The following GALNT13 variants were observed in gnomAD, a reference collection of about 807,000 sequenced individuals.
GALNT13 encodes the protein polypeptide N-acetylgalactosaminyltransferase 13.
A neutral mutation model predicts 64.2 loss-of-function variants in GALNT13; 28 were observed. That is an observed-to-expected ratio of 0.44 (90% CI 0.32 to 0.60). GALNT13 has a LOEUF of 0.60. Among genes scored for constraint, GALNT13 ranks in the 20% least tolerant of loss-of-function variants. GALNT13 has a pLI of 0.05. For missense variants in GALNT13, 577 were observed against 669.8 expected (o/e 0.86, Z 1.53); for synonymous variants, 214 against 224.6 (o/e 0.95, Z 0.42).
the GALNT13 span, among the ~76,000 whole-genome samples, chr2:153,082,268 T>C: frequency 1.3e-5 from 2 of 152,014 alleles, no homozygotes; most frequent in Non-Finnish European, 2.9e-5. Context: ...CCGAGCAGTG[T>C]ACACTGTACT....
At chr2:153,096,214 C>G in the GALNT13 span, among the ~76,000 whole-genome samples, 1 of 151,732 alleles carries the variant, frequency 6.6e-6, no homozygotes, top group Non-Finnish European at 1.5e-5. Context: ...CCACTGTGGT[C>G]AGAGAAGATA....
intron 3 of GALNT13, among the ~76,000 whole-genome samples, chr2:154,051,076 GTGGT>G: frequency 6.8e-6 from 1 of 146,086 alleles, no homozygotes; most frequent in Non-Finnish European, 1.6e-5. Context: ...ATAAGAGCCA[GTGGT>G]AGTTGTAACT....
the GALNT13 span, among the ~76,000 whole-genome samples, chr2:153,258,220 A>G: frequency 1.3e-5 from 2 of 152,232 alleles, no homozygotes; most frequent in Admixed American, 1.3e-4. Flanking sequence ...GTAATACTAA[A>G]GTTTGTTTTG....
At chr2:153,123,005 G>A in the GALNT13 span, among the ~76,000 whole-genome samples, 1 of 152,044 alleles carries the variant, frequency 6.6e-6, no homozygotes, top group East Asian at 1.9e-4. Flanking sequence ...AGAGGAGAAT[G>A]CCATGTGAAG....
chr2:153,477,956 A>C, the GALNT13 span: 1 of 465,500 alleles, frequency 2.1e-6, no homozygotes, highest in Non-Finnish European at 3.8e-6. Flanking sequence ...GTCTCCCCGC[A>C]TTCCAAGTAA....
At chr2:153,663,582 T>A in the GALNT13 span, among the ~76,000 whole-genome samples, 1 of 152,218 alleles carries the variant, frequency 6.6e-6, no homozygotes, top group African/African-American at 2.4e-5. Context: ...GAAATATGGC[T>A]GTGACAAACC....
chr2:153,361,697 A>C, the GALNT13 span, among the ~76,000 whole-genome samples: 2 of 152,288 alleles, frequency 1.3e-5, no homozygotes, highest in East Asian at 3.9e-4. Flanking sequence ...AGGAACAAAC[A>C]AAACCTCTGA....
intron 8 of GALNT13, among the ~76,000 whole-genome samples, chr2:154,291,264 TA>T (rs1363657680): frequency 6.6e-6 from 1 of 152,110 alleles, no homozygotes; most frequent in Non-Finnish European, 1.5e-5. Context: ...ATACTTTAGC[TA>T]GACACAAAAT....
chr2:154,350,567 T>C (rs761356313), intron 9 of GALNT13, among the ~76,000 whole-genome samples: 36 of 152,220 alleles, frequency 2.4e-4, no homozygotes, highest in Non-Finnish European at 5.0e-4. Context: ...GATCCACAGC[T>C]TGCAGACAGC....
the GALNT13 span, among the ~76,000 whole-genome samples, chr2:153,364,291 G>A: frequency 2.3e-3 from 349 of 152,092 alleles, 2 homozygotes; most frequent in Middle Eastern, 3.4e-3. Context: ...ATACTGAATT[G>A]GCAAAACCTG....
At chr2:154,023,984 G>T (rs1200800497) in intron 3 of GALNT13, among the ~76,000 whole-genome samples, 1 of 152,116 alleles carries the variant, frequency 6.6e-6, no homozygotes, top group Non-Finnish European at 1.5e-5. Flanking sequence ...GAGATTCTGG[G>T]TTGAAAATTC....
At chr2:153,514,419 ATTTGTTAAAGTTCTGCT>A in the GALNT13 span, among the ~76,000 whole-genome samples, 1 of 151,866 alleles carries the variant, frequency 6.6e-6, no homozygotes. Context: ...TTTTTGTTCC[ATTTGTTAAAGTTCTGCT>A]TTTGTAGTGT....
the GALNT13 span, among the ~76,000 whole-genome samples, chr2:153,510,478 A>T: frequency 8.5e-5 from 13 of 152,168 alleles, no homozygotes; most frequent in African/African-American, 3.1e-4. Context: ...CTGGAAACAA[A>T]CACGTATATA....
At position 154,182,046 on chromosome 2, in the gene GALNT13, A is replaced by G. The variant is rs1685988145; in HGVS notation, c.311+41541A>G. On this transcript the variant is annotated intron_variant, in intron 4 of 12. Coordinates refer to ENST00000392825, the MANE Select transcript of GALNT13 (RefSeq NM_052917.4). ...GATATTTAGGGAATTCTTACCGAAT[A>G]TCAAACACTATGCTAACTATTATAT... 5.3e-5 allele frequency among the ~76,000 whole-genome samples: 8 copies of G among 152,290 alleles called. No individual in the cohort carries two copies. The South Asian group carries it at 1.7e-3, about 32-fold the overall frequency.
At chr2:153,323,011 T>C in the GALNT13 span, among the ~76,000 whole-genome samples, 124,972 of 152,056 alleles carry the variant, frequency 0.82, 52,290 homozygotes, top group Non-Finnish European at 0.87. Flanking sequence ...TGGGTATATA[T>C]GCAGTAATGG....
chr2:154,444,865 AG>A (rs1355136478), intron 12 of GALNT13, among the ~76,000 whole-genome samples: 1 of 152,122 alleles, frequency 6.6e-6, no homozygotes, highest in Non-Finnish European at 1.5e-5. Context: ...TTCATTTTAG[AG>A]AAATAGTTTA....
At chr2:153,673,683 C>T in the GALNT13 span, among the ~76,000 whole-genome samples, 1 of 152,174 alleles carries the variant, frequency 6.6e-6, no homozygotes, top group Non-Finnish European at 1.5e-5. Context: ...TCCTATTCAA[C>T]ATAGTGTTGG....
the GALNT13 span, among the ~76,000 whole-genome samples, chr2:153,358,287 A>G: frequency 6.6e-6 from 1 of 152,204 alleles, no homozygotes; most frequent in Non-Finnish European, 1.5e-5. Flanking sequence ...ATATCTCCAA[A>G]TTTACCTGGA....
chr2:153,972,466 C>G (rs1693804568), intron 3 of GALNT13, among the ~76,000 whole-genome samples: 1 of 151,914 alleles, frequency 6.6e-6, no homozygotes, highest in Non-Finnish European at 1.5e-5. Flanking sequence ...AAATATAATA[C>G]TTTTTTATGG....
Sources: allele counts gnomAD v4.1 joint callset (sites outside exome capture counted in the v4.1 genomes callset), GRCh38; gene constraint gnomAD v4.1.1; transcripts MANE v1.5; gene names NCBI Gene and HGNC (gene_info 2026-07-23, HGNC 2026-07-21).